The following ZNF638 variants were observed in gnomAD, a reference collection of about 807,000 sequenced individuals.
ZNF638 encodes zinc finger protein 638.
In ZNF638, 46 loss-of-function variants were observed where a neutral mutation model predicts 195.6. That is an observed-to-expected ratio of 0.24 (90% CI 0.19 to 0.30). The LOEUF (loss-of-function observed/expected upper bound fraction) is 0.30, where lower values mean the gene tolerates loss of function less well. ZNF638 is among the 10% of genes least tolerant of loss of function. The probability of loss-of-function intolerance (pLI) is 1.00; values close to 1 mark genes in which losing one functional copy is unlikely to be tolerated. For missense variants in ZNF638, 2,440 were observed against 2,325.3 expected (o/e 1.05, Z -1.01); for synonymous variants, 845 against 772.0 (o/e 1.09, Z -1.57).
chr2:71,393,563 C>A (rs2079831683), intron 10 of ZNF638: 1 of 718,052 alleles, frequency 1.4e-6, no homozygotes, highest in Non-Finnish European at 2.6e-6. Flanking sequence ...CTGAAGAAGA[C>A]AACTTACAAG....
chr2:71,417,500 C>T (rs2080324645), intron 20 of ZNF638, among the ~76,000 whole-genome samples: 1 of 150,374 alleles, frequency 6.7e-6, no homozygotes, highest in Admixed American at 6.6e-5. Flanking sequence ...TTGGCTCCTC[C>T]CTGAGTTTTT....
At chr2:71,404,396 A>G (rs189806372) in intron 17 of ZNF638, among the ~76,000 whole-genome samples, 52 of 152,052 alleles carry the variant, frequency 3.4e-4, no homozygotes, top group South Asian at 1.7e-3. Flanking sequence ...CATCCCATAT[A>G]CCATTGCTTT....
At chr2:71,368,656 C>T (rs976981855) in intron 7 of ZNF638, 128 bp downstream of exon 7, 4 of 1,031,794 alleles carry the variant, frequency 3.9e-6, no homozygotes, top group East Asian at 2.6e-5. Flanking sequence ...ATATAAATGT[C>T]TGGATGTGAA....
Position 71,403,865 on chromosome 2 carries a change from A to G in ZNF638, c.2830-5A>G, listed in dbSNP as rs753435265. On this transcript the variant is annotated splice_polypyrimidine_tract_variant and splice_region_variant and intron_variant, in intron 16 of 27. Transcript: ENST00000264447. ...TTCTTGTTACCTTAATTTCTGTTTT[A>G]AAAGGCATATATAGAAATAAATAGA... The G allele has an allele frequency of 6.5e-7, 1 of 1,528,988 alleles. No homozygotes were observed. The allele number at this position is 1,528,988 out of a possible 1,614,324, so 94.7% of individuals were successfully genotyped here.
At chr2:71,346,603 T>C (rs1004151706) in intron 1 of ZNF638, among the ~76,000 whole-genome samples, 8 of 152,176 alleles carry the variant, frequency 5.3e-5, no homozygotes, top group African/African-American at 1.9e-4. Context: ...AGGGTTTATA[T>C]GCCTGGGGGA....
intron 20 of ZNF638, among the ~76,000 whole-genome samples, chr2:71,411,435 T>G (rs1351475032): frequency 1.5e-5 from 2 of 137,316 alleles, no homozygotes; most frequent in Admixed American, 7.6e-5. Flanking sequence ...TCTTTTGAGT[T>G]TTTTATTTTT....
chr2:71,424,939 C>G (rs1470484625), intron 23 of ZNF638, among the ~76,000 whole-genome samples: 1 of 151,924 alleles, frequency 6.6e-6, no homozygotes, highest in Non-Finnish European at 1.5e-5. Context: ...GCGGGGGGAG[C>G]GGGCAAAATG....
intron 20 of ZNF638, among the ~76,000 whole-genome samples, chr2:71,409,139 A>AAATTAAAGAAGTGAAAATTTACAT: frequency 6.6e-6 from 1 of 152,162 alleles, no homozygotes; most frequent in Non-Finnish European, 1.5e-5. Flanking sequence ...AGTTAAAAGA[A>AAATTAAAGAAGTGAAAATTTACAT]AATTAAAGAA....
chr2:71,423,235 G>A lies in ZNF638; in HGVS notation c.3721G>A (p.Glu1241Lys). 1 of 1,614,086 alleles carries A rather than the reference G, an allele frequency of 6.2e-7. No homozygotes were observed. The highest frequency in any genetic ancestry group is 1.6e-4 in the Middle Eastern group (1 of 6,062). The part of the protein sequence containing the change: ...AEERNLKGIL[E>K]ESPSEAEDFI... Reference sequence around the variant, plus strand: ...AGAAAGGAACCTCAAAGGAATTCTAGAAGAATCTCCATCTGAAGCAGAAGA... The same window carrying A: ...AGAAAGGAACCTCAAAGGAATTCTAAAAGAATCTCCATCTGAAGCAGAAGA... The change falls in exon 22 of 28, where the codon GAA becomes AAA. Residue 1241 changes from glutamate to lysine, a missense_variant. Transcript: ENST00000264447.
At chr2:71,430,481 G>A (rs1205480639) in intron 25 of ZNF638, among the ~76,000 whole-genome samples, 1 of 152,150 alleles carries the variant, frequency 6.6e-6, no homozygotes, top group Non-Finnish European at 1.5e-5. Context: ...ATACTAAAGA[G>A]TAGCCCAGAT....
At chr2:71,417,785 A>G (rs1281253948) in intron 20 of ZNF638, among the ~76,000 whole-genome samples, 1 of 152,120 alleles carries the variant, frequency 6.6e-6, no homozygotes, top group African/African-American at 2.4e-5. Flanking sequence ...GATATAAGCT[A>G]GACTTATCAC....
At position 71,383,762 on chromosome 2, in the gene ZNF638, C is replaced by CTTTTTTTTTTTT. The variant is rs1181570876; in HGVS notation, c.2377+3205_2377+3216dup. Among the ~76,000 whole-genome samples the CTTTTTTTTTTTT allele has an allele frequency of 2.3e-3, 179 of 76,704 alleles. 1 individual carries two copies. The highest frequency in any genetic ancestry group is 2.8e-3 in the Non-Finnish European group (119 of 42,714). 50.3% of individuals were successfully genotyped at this position (76,704 alleles called of 152,430 possible). A position where few individuals can be genotyped will look rare whatever the true frequency, so the allele number is the denominator to read the frequency against. ...AATTTTTCTTTTTTTTTTTCTTTTT[C>CTTTTTTTTTTTT]TTTTTTTTTTTTTTTTTTTAGTAGA... On this transcript the variant is annotated intron_variant, in intron 10 of 27. Transcript: ENST00000264447.
chr2:71,341,342 T>C (rs2078758586), intron 1 of ZNF638, among the ~76,000 whole-genome samples: 1 of 152,242 alleles, frequency 6.6e-6, no homozygotes, highest in South Asian at 2.1e-4. Flanking sequence ...AGGTTCAGCA[T>C]GTTTTGTCAC....
In ZNF638 at chr2:71,424,032, C is replaced by G; in HGVS notation, c.4518C>G (p.Asn1506Lys). The change falls in exon 22 of 28, where the codon AAC becomes AAG. Residue 1506 changes from asparagine (N) to lysine (K), a missense_variant. Transcript: ENST00000264447. Reference sequence around the variant, plus strand: ...CCATCATGAAACGGGATGACAGCAACAATAAGGTGAGGAGGGTAGGAAGAA... The same window carrying G: ...CCATCATGAAACGGGATGACAGCAAGAATAAGGTGAGGAGGGTAGGAAGAA... ...RPSIMKRDDS[N>K]NKTLAEQNTK... 6.2e-7 allele frequency: 1 copy of G among 1,612,896 alleles called. No individual in the cohort carries two copies. Among genetic ancestry groups the G allele is most frequent in the Non-Finnish European group, 8.5e-7 (1 of 1,179,320 alleles).
intron 20 of ZNF638, among the ~76,000 whole-genome samples, chr2:71,409,422 C>T (rs1482146815): frequency 6.6e-6 from 1 of 152,118 alleles, no homozygotes; most frequent in African/African-American, 2.4e-5. Flanking sequence ...AAGCATGTAG[C>T]ACTCCATTCT....
At chr2:71,394,901 T>C (rs1044497119) in intron 10 of ZNF638, among the ~76,000 whole-genome samples, 2 of 152,134 alleles carry the variant, frequency 1.3e-5, no homozygotes, top group Non-Finnish European at 2.9e-5. Flanking sequence ...CCTTGGAACA[T>C]GTAGGGGAGT....
Position 71,350,005 on chromosome 2 carries a change from A to G in ZNF638, c.1051A>G (p.Ile351Val), listed in dbSNP as rs746908881. The change falls in exon 2 of 28, where the codon ATC becomes GTC. Residue 351 changes from isoleucine (I) to valine (V), a missense_variant. Ile to Val is a conservative substitution (Grantham distance 29). This residue lies in a region of ZNF638 where 305 missense variants were observed against 283.6 expected (regional missense o/e 1.08). Transcript: ENST00000264447. ...TTCATCTGTAAGCCAGCAAGAGCGG[A>G]TCCCACATGAACCTGTGATTAATTC... ...LISSVSQQER[I>V]PHEPVINSSN... 8 of 1,614,224 alleles carry G rather than the reference A, an allele frequency of 5.0e-6. 1 individual carries two copies. In the South Asian group the frequency reaches 7.7e-5, roughly 16 times the overall value.
chr2:71,354,212 A>C (rs1373213376), intron 2 of ZNF638, among the ~76,000 whole-genome samples: 2 of 152,242 alleles, frequency 1.3e-5, no homozygotes, highest in Non-Finnish European at 2.9e-5. Flanking sequence ...CAAAGTGTTG[A>C]AATACGAAGT....
chr2:71,340,015 A>G (rs1410421705), intron 1 of ZNF638, among the ~76,000 whole-genome samples: 1 of 152,238 alleles, frequency 6.6e-6, no homozygotes, highest in African/African-American at 2.4e-5. Flanking sequence ...CATTTTCCTG[A>G]AATTGGTAAC....
Sources: allele counts gnomAD v4.1 joint callset (sites outside exome capture counted in the v4.1 genomes callset), GRCh38; gene constraint gnomAD v4.1.1; regional missense constraint gnomAD v4.1.1; transcripts MANE v1.5; gene names NCBI Gene and HGNC (gene_info 2026-07-23, HGNC 2026-07-21).